Variants in PLA2G2C observed in about 807,000 individuals in gnomAD.
PLA2G2C encodes the protein putative inactive group IIC secretory phospholipase A2.
A neutral mutation model predicts 14.3 loss-of-function variants in PLA2G2C; 15 were observed. The ratio of observed to expected loss-of-function variants is 1.05; its 90% CI spans 0.70 to 1.62. The LOEUF is 1.62. PLA2G2C is among the 40% of genes most tolerant of loss of function. The probability of loss-of-function intolerance (pLI) is 0.00; values close to 1 mark genes in which losing one functional copy is unlikely to be tolerated. For synonymous variants in PLA2G2C, 79 were observed against 67.7 expected, an observed-to-expected ratio of 1.17 and a Z score of -0.82; for missense variants, 162 against 173.2, an observed-to-expected ratio of 0.94 and a Z score of 0.36.
intron 1 of PLA2G2C, among the ~76,000 whole-genome samples, chr1:20,178,379 T>C (rs1393415289): frequency 6.6e-6 from 1 of 152,184 alleles, no homozygotes; most frequent in African/African-American, 2.4e-5. Context: ...GTGCAGAGCT[T>C]GGGCTAGATT....
intron 1 of PLA2G2C, among the ~76,000 whole-genome samples, chr1:20,179,237 T>TG (rs397975510): frequency 6.6e-6 from 1 of 151,798 alleles, no homozygotes; most frequent in Non-Finnish European, 1.5e-5. Flanking sequence ...TGTGTGTGTG[T>TG]TAGCTTGTTC....
chr1:20,173,378 A>G (rs907007929), intron 3 of PLA2G2C, among the ~76,000 whole-genome samples: 7 of 152,178 alleles, frequency 4.6e-5, no homozygotes, highest in Non-Finnish European at 2.9e-5. Context: ...AGCCCTCTCT[A>G]GTATCTGTTG....
At chr1:20,183,432 T>C (rs2018307965) in intron 1 of PLA2G2C, among the ~76,000 whole-genome samples, 1 of 152,030 alleles carries the variant, frequency 6.6e-6, no homozygotes. Flanking sequence ...AGGGTGGGCT[T>C]TGGAAACTGC....
Position 20,177,425 on chromosome 1 carries a change from C to A in PLA2G2C, c.-62G>T. The A allele has an allele frequency of 3.2e-6, 2 of 618,022 alleles. No homozygotes were observed. Among genetic ancestry groups the A allele is most frequent in the Non-Finnish European group, 5.8e-6 (2 of 346,540 alleles). The allele number at this position is 618,022 out of a possible 1,614,324, so 38.3% of individuals were successfully genotyped here. Reference sequence around the variant, plus strand: ...ACGCCTTCACCTGTGTGTGAGGGGTCTCCCAGCTGAACCTCTGTTCCAGGA... The same window carrying A: ...ACGCCTTCACCTGTGTGTGAGGGGTATCCCAGCTGAACCTCTGTTCCAGGA... On this transcript the variant is annotated 5_prime_UTR_variant, in exon 2 of 5. Coordinates refer to ENST00000679259, the MANE Select transcript of PLA2G2C (RefSeq NM_001367969.2).
intron 2 of PLA2G2C, 68 bp downstream of exon 2, chr1:20,177,256 T>TC (rs1366616117): frequency 5.7e-6 from 4 of 699,426 alleles, no homozygotes; most frequent in Non-Finnish European, 1.0e-5. Flanking sequence ...ACCTGGAGAG[T>TC]CCCCCCTCCC....
At chr1:20,171,985 G>C (rs561536422) in intron 4 of PLA2G2C, among the ~76,000 whole-genome samples, 4 of 151,460 alleles carry the variant, frequency 2.6e-5, no homozygotes, top group Non-Finnish European at 4.4e-5. Flanking sequence ...GGATGGTCTC[G>C]ATCTCCTGAC....
At chr1:20,183,481 CA>C (rs1039587212) in intron 1 of PLA2G2C, among the ~76,000 whole-genome samples, 6 of 152,322 alleles carry the variant, frequency 3.9e-5, no homozygotes, top group Non-Finnish European at 7.4e-5. Flanking sequence ...GCTCCTTCAC[CA>C]GGGGGAACCC....
At chr1:20,176,275 T>G (rs1264507726) in intron 2 of PLA2G2C, among the ~76,000 whole-genome samples, 1 of 152,162 alleles carries the variant, frequency 6.6e-6, no homozygotes, top group Admixed American at 6.5e-5. Flanking sequence ...AAACGCTGTA[T>G]AGAGGATGTA....
chr1:20,172,596 C>G (rs1008484304), intron 4 of PLA2G2C, among the ~76,000 whole-genome samples, 198 bp downstream of exon 4: 2 of 152,076 alleles, frequency 1.3e-5, no homozygotes, highest in African/African-American at 4.8e-5. Flanking sequence ...GAGGTACACT[C>G]ATGGGTGGGA....
intron 1 of PLA2G2C, among the ~76,000 whole-genome samples, chr1:20,183,878 C>T (rs2018317401): frequency 6.6e-6 from 1 of 152,166 alleles, no homozygotes. Context: ...GAAGGTGAGT[C>T]CACATTTCAG....
intron 1 of PLA2G2C, among the ~76,000 whole-genome samples, chr1:20,178,976 C>T (rs761962670): frequency 3.3e-4 from 51 of 152,268 alleles, no homozygotes; most frequent in Non-Finnish European, 6.8e-4. Flanking sequence ...CTGCTGCTGA[C>T]GCTGTCCCTC....
intron 4 of PLA2G2C, among the ~76,000 whole-genome samples, chr1:20,166,375 G>A (rs1340501456): frequency 3.3e-5 from 5 of 152,068 alleles, no homozygotes; most frequent in African/African-American, 9.7e-5. Context: ...TGCGGCTCCC[G>A]CCACTCCCAC....
intron 1 of PLA2G2C, among the ~76,000 whole-genome samples, chr1:20,180,679 T>C (rs1028712449): frequency 6.6e-6 from 1 of 152,224 alleles, no homozygotes; most frequent in African/African-American, 2.4e-5. Flanking sequence ...GACTCAGGCA[T>C]GGTTCTCTCC....
rs533618534 is a variant in PLA2G2C at position 20,182,871 on chromosome 1, C to T, written c.-77+3489G>A. The stretch of plus-strand genomic sequence containing the variant: ...ACAAGCCGCTAAGAAACCGGGGCCC[C>T]CGCCTTCAGCAAGCCCCTGGGGAGG... On this transcript the variant is annotated intron_variant, in intron 1 of 4. Coordinates refer to ENST00000679259, the MANE Select transcript of PLA2G2C (RefSeq NM_001367969.2). Among the ~76,000 whole-genome samples, 8 of 152,376 alleles carry T rather than the reference C, an allele frequency of 5.3e-5. No individual in the cohort carries two copies. The South Asian group carries it at 1.7e-3, about 32-fold the overall frequency.
intron 2 of PLA2G2C, among the ~76,000 whole-genome samples, chr1:20,176,038 T>C (rs1250686664): frequency 2.0e-5 from 3 of 151,870 alleles, no homozygotes; most frequent in African/African-American, 7.3e-5. Flanking sequence ...GCCTCCTGAG[T>C]AGCTGGGATT....
intron 4 of PLA2G2C, among the ~76,000 whole-genome samples, chr1:20,169,966 C>A (rs1487948992): frequency 6.6e-6 from 1 of 152,230 alleles, no homozygotes; most frequent in Non-Finnish European, 1.5e-5. Flanking sequence ...GGCCTCCAAT[C>A]ATGCACACAC....
chr1:20,178,210 T>C (rs1053396800), intron 1 of PLA2G2C, among the ~76,000 whole-genome samples: 1 of 152,222 alleles, frequency 6.6e-6, no homozygotes, highest in Non-Finnish European at 1.5e-5. Flanking sequence ...GAGAAGAATG[T>C]GGGTTGCAGC....
At chr1:20,165,355 G>A (rs1217349777) in intron 4 of PLA2G2C, among the ~76,000 whole-genome samples, 4 of 152,150 alleles carry the variant, frequency 2.6e-5, no homozygotes, top group Non-Finnish European at 4.4e-5. Context: ...CTCCATACCC[G>A]TTTGTCTCAC....
chr1:20,171,809 G>T (rs1036320141), intron 4 of PLA2G2C, among the ~76,000 whole-genome samples: 19 of 144,210 alleles, frequency 1.3e-4, no homozygotes, highest in Admixed American at 2.1e-4. Context: ...TGGCCCAGGC[G>T]GGAGTGCAGT....
Sources: allele counts gnomAD v4.1 joint callset (sites outside exome capture counted in the v4.1 genomes callset), GRCh38; gene constraint gnomAD v4.1.1; transcripts MANE v1.5; gene names NCBI Gene and HGNC (gene_info 2026-07-23, HGNC 2026-07-21).